Variants in HIVEP1 observed in about 807,000 individuals in gnomAD.
HIVEP1 encodes the protein HIVEP zinc finger 1.
Under a neutral mutation model 180.0 loss-of-function variants are expected in HIVEP1, and 36 were observed. The ratio of observed to expected loss-of-function variants is 0.20; its 90% CI spans 0.15 to 0.26. The LOEUF (loss-of-function observed/expected upper bound fraction) is 0.26. HIVEP1 is among the 10% of genes least tolerant of loss of function. The probability of loss-of-function intolerance (pLI) is 1.00; values close to 1 mark genes in which losing one functional copy is unlikely to be tolerated. For synonymous variants in HIVEP1, 1,239 were observed against 1,239.0 expected, an observed-to-expected ratio of 1.00 and a Z score of 0.00; for missense variants, 3,143 against 3,268.7, an observed-to-expected ratio of 0.96 and a Z score of 0.94.
Position 12,124,674 on chromosome 6 carries a change from G to T in HIVEP1, c.4879G>T (p.Val1627Leu), listed in dbSNP as rs1366560639. Residue 1627 changes from valine (V) to leucine (L), a missense_variant, in exon 4 of 9, where the codon GTG (valine) becomes TTG (leucine). By Grantham distance (32) the Val-to-Leu change is conservative. Around this residue, in one of 12 missense-constraint regions of HIVEP1, gnomAD observed 1,357 missense variants for 1,260.5 expected, o/e 1.08. Transcript: ENST00000379388. ...PPELRPLGSQ[V>L]QKVPSSFMLP... ...AGAGCTCAGGCCCCTTGGAAGTCAG[G>T]TGCAGAAGGTGCCATCATCATTCAT... is the stretch of plus-strand genomic sequence containing the variant. The T allele has an allele frequency of 6.2e-7, 1 of 1,614,132 alleles. No homozygotes were observed. The highest frequency in any genetic ancestry group is 2.2e-5 in the East Asian group (1 of 44,886).
At chr6:12,186,573 A>G in the HIVEP1 span, among the ~76,000 whole-genome samples, 1 of 149,658 alleles carries the variant, frequency 6.7e-6, no homozygotes, top group African/African-American at 2.5e-5. Flanking sequence ...GCGTATACTA[A>G]CCATACGGTA....
intron 2 of HIVEP1, among the ~76,000 whole-genome samples, chr6:12,041,006 C>A (rs149019905): frequency 1.3e-5 from 2 of 152,334 alleles, no homozygotes; most frequent in African/African-American, 4.8e-5. Flanking sequence ...TTGGGCATTA[C>A]AATACAACAT....
chr6:12,120,527 A>G lies in HIVEP1; in HGVS notation c.732A>G (p.Pro244=). 1 of 1,614,226 alleles carries G rather than the reference A, an allele frequency of 6.2e-7. No homozygotes were observed. Among genetic ancestry groups the G allele is most frequent in the South Asian group, 1.1e-5 (1 of 91,086 alleles). The part of the protein sequence containing the change: ...PKLKNSSMDA[P]NQTSQELVAE... The stretch of plus-strand genomic sequence containing the variant: ...TAAAAAACAGTTCAATGGATGCCCC[A>G]AATCAGACTTCACAGGAATTGGTTG... Residue 244 remains proline (P), a synonymous_variant, in exon 4 of 9, where the codon CCA becomes CCG. Transcript: ENST00000379388.
At chr6:12,077,357 T>C (rs1364212568) in intron 2 of HIVEP1, among the ~76,000 whole-genome samples, 1 of 152,236 alleles carries the variant, frequency 6.6e-6, no homozygotes, top group Non-Finnish European at 1.5e-5. Context: ...GATGCCATTG[T>C]GTCCAGAGGG....
intron 2 of HIVEP1, among the ~76,000 whole-genome samples, chr6:12,055,831 C>T (rs539976103): frequency 7.2e-5 from 11 of 152,320 alleles, no homozygotes; most frequent in African/African-American, 1.9e-4. Flanking sequence ...TGGAGATAAA[C>T]GTGCTTGGTC....
chr6:12,080,475 T>C (rs1251534708), intron 2 of HIVEP1, among the ~76,000 whole-genome samples: 1 of 152,184 alleles, frequency 6.6e-6, no homozygotes, highest in Admixed American at 6.5e-5. Flanking sequence ...TATAAATAAT[T>C]AGATATGTTA....
intron 2 of HIVEP1, among the ~76,000 whole-genome samples, chr6:12,087,210 G>A (rs1053431213): frequency 1.4e-4 from 21 of 152,194 alleles, no homozygotes; most frequent in South Asian, 4.1e-4. Context: ...CTAGTATTTT[G>A]TAAGCAGATA....
chr6:12,178,372 T>A, the HIVEP1 span, among the ~76,000 whole-genome samples: 1 of 152,190 alleles, frequency 6.6e-6, no homozygotes, highest in African/African-American at 2.4e-5. Flanking sequence ...GAGGATTACA[T>A]GGGGCCAGGA....
chr6:12,071,263 G>A, intron 2 of HIVEP1, among the ~76,000 whole-genome samples: 1 of 152,176 alleles, frequency 6.6e-6, no homozygotes, highest in East Asian at 1.9e-4. Flanking sequence ...GCCACTGGAT[G>A]TGCAGTGCTG....
chr6:12,211,685 A>C, the HIVEP1 span, among the ~76,000 whole-genome samples: 1 of 152,088 alleles, frequency 6.6e-6, no homozygotes, highest in Non-Finnish European at 1.5e-5. Context: ...GCAAAGAAGA[A>C]ACTAACAAAT....
chr6:12,047,184 AC>A (rs1770196011), intron 2 of HIVEP1, among the ~76,000 whole-genome samples: 2 of 152,112 alleles, frequency 1.3e-5, no homozygotes, highest in Non-Finnish European at 2.9e-5. Flanking sequence ...GGCATAAAAT[AC>A]TATTCCAATA....
At chr6:12,135,943 T>G (rs774861439) in intron 7 of HIVEP1, 51 bp downstream of exon 7, 2 of 1,279,300 alleles carry the variant, frequency 1.6e-6, no homozygotes, top group South Asian at 2.5e-5. Flanking sequence ...ATGTACAATT[T>G]TTTTGCTTCC....
the HIVEP1 span, among the ~76,000 whole-genome samples, chr6:12,208,923 C>A: frequency 6.6e-6 from 1 of 152,166 alleles, no homozygotes. Context: ...TTTATGCAAC[C>A]TTTTCCTTCA....
chr6:12,204,372 C>CTTCCTCTTTTACCTCCCCTTCCCCGTT, the HIVEP1 span, among the ~76,000 whole-genome samples: 1 of 152,142 alleles, frequency 6.6e-6, no homozygotes, highest in South Asian at 2.1e-4. Flanking sequence ...CCTTCCCCGT[C>CTTCCTCTTTTACCTCCCCTTCCCCGTT]TATCCTCCCC....
In HIVEP1 at chr6:12,125,624, A is replaced by T; in HGVS notation, c.5829A>T (p.Thr1943=). Reference sequence around the variant, plus strand: ...GCCTGAAAACTACAACCAACTTTACATGGTGTTATCTCTTAAGGCAGAAGT... The same window carrying T: ...GCCTGAAAACTACAACCAACTTTACTTGGTGTTATCTCTTAAGGCAGAAGT... ...FPSLKTTTNF[T]WCYLLRQKSL... is the part of the protein sequence containing the mutation. Residue 1943 remains threonine, a synonymous_variant, in exon 4 of 9, where the codon ACA becomes ACT. Coordinates refer to ENST00000379388, the MANE Select transcript of HIVEP1 (RefSeq NM_002114.4). 1 of 1,614,134 alleles carries T rather than the reference A, an allele frequency of 6.2e-7. No individual in the cohort carries two copies. Among genetic ancestry groups the T allele is most frequent in the South Asian group, 1.1e-5 (1 of 91,076 alleles).
chr6:12,070,855 G>A (rs1487998404), intron 2 of HIVEP1, among the ~76,000 whole-genome samples: 1 of 152,038 alleles, frequency 6.6e-6, no homozygotes, highest in African/African-American at 2.4e-5. Flanking sequence ...TCAGTTTCTT[G>A]CTGATTTTTA....
At chr6:12,041,420 TAAAAAAAA>T (rs34364704) in intron 2 of HIVEP1, among the ~76,000 whole-genome samples, 29 of 52,274 alleles carry the variant, frequency 5.5e-4, no homozygotes, top group African/African-American at 2.4e-3. Context: ...AGACTCCGTC[TAAAAAAAA>T]AAAAAAAAAA....
At chr6:12,042,134 C>T (rs1296719760) in intron 2 of HIVEP1, among the ~76,000 whole-genome samples, 3 of 147,104 alleles carry the variant, frequency 2.0e-5, no homozygotes, top group Admixed American at 2.0e-4. Flanking sequence ...CTGCGGACTG[C>T]AGTGGCGCAA....
intron 5 of HIVEP1, 109 bp from the exon 6 acceptor site, chr6:12,130,658 G>T: frequency 1.8e-6 from 1 of 555,902 alleles, no homozygotes. Context: ...GTTATTGGTT[G>T]AGTATAAAAG....
Sources: gnomAD v4.1 joint callset for allele counts (sites outside exome capture counted in the v4.1 genomes callset) on GRCh38, gnomAD v4.1.1 for gene constraint, gnomAD v4.1.1 regional missense constraint, MANE v1.5 for transcripts, NCBI Gene and HGNC (gene_info 2026-07-23, HGNC 2026-07-21) for gene names.